Variants in AKAP19 observed in about 807,000 individuals in gnomAD.
AKAP19 encodes the protein A-kinase anchoring protein 19.
the AKAP19 span, among the ~76,000 whole-genome samples, chr2:190,004,345 T>C: frequency 6.6e-6 from 1 of 152,198 alleles, no homozygotes; most frequent in African/African-American, 2.4e-5. Context: ...TATGAAAATA[T>C]GTCAGATATT....
the AKAP19 span, among the ~76,000 whole-genome samples, chr2:190,139,468 G>A: frequency 6.6e-6 from 1 of 152,216 alleles, no homozygotes; most frequent in South Asian, 2.1e-4. Context: ...AATACCCAAG[G>A]CTGAGTAATT....
At chr2:190,036,909 A>C in the AKAP19 span, among the ~76,000 whole-genome samples, 2 of 152,234 alleles carry the variant, frequency 1.3e-5, no homozygotes, top group African/African-American at 2.4e-5. Flanking sequence ...GTAAATACAC[A>C]GGAATTACTC....
At chr2:190,057,674 T>A in the AKAP19 span, 3 of 1,609,388 alleles carry the variant, frequency 1.9e-6, no homozygotes, top group African/African-American at 4.0e-5. Flanking sequence ...GTAATATCAA[T>A]AGGCCTGGAA....
the AKAP19 span, among the ~76,000 whole-genome samples, chr2:189,937,647 G>A: frequency 2.0e-5 from 3 of 152,134 alleles, no homozygotes; most frequent in Admixed American, 6.5e-5. Context: ...ATGGCAAACC[G>A]ATATATGAAA....
the AKAP19 span, among the ~76,000 whole-genome samples, chr2:190,076,737 G>A: frequency 6.6e-6 from 1 of 152,088 alleles, no homozygotes; most frequent in Admixed American, 6.6e-5. Flanking sequence ...AGTGGTATTT[G>A]ATATGACTTG....
the AKAP19 span, among the ~76,000 whole-genome samples, chr2:190,167,603 A>C: frequency 6.6e-6 from 1 of 152,228 alleles, no homozygotes; most frequent in Non-Finnish European, 1.5e-5. Flanking sequence ...TCCTAGATAC[A>C]ATGAGGGTAA....
chr2:190,125,523 A>G, the AKAP19 span, among the ~76,000 whole-genome samples: 1 of 152,306 alleles, frequency 6.6e-6, no homozygotes, highest in African/African-American at 2.4e-5. Flanking sequence ...GATCTAAATG[A>G]GGCAAACCAA....
At chr2:190,082,718 C>A in the AKAP19 span, among the ~76,000 whole-genome samples, 1 of 152,152 alleles carries the variant, frequency 6.6e-6, no homozygotes, top group Admixed American at 6.5e-5. Context: ...AACCATTATA[C>A]AAATTAGGAA....
At chr2:189,926,432 G>A in the AKAP19 span, among the ~76,000 whole-genome samples, 2 of 148,848 alleles carry the variant, frequency 1.3e-5, no homozygotes, top group African/African-American at 5.0e-5. Context: ...GACTACAAGC[G>A]CCCACTACCA....
the AKAP19 span, among the ~76,000 whole-genome samples, chr2:190,111,139 C>T: frequency 1.3e-5 from 2 of 152,160 alleles, no homozygotes; most frequent in Admixed American, 1.3e-4. Context: ...CTGACGCATA[C>T]ATGGGCATAG....
At chr2:190,151,244 G>A in the AKAP19 span, among the ~76,000 whole-genome samples, 3,382 of 150,152 alleles carry the variant, frequency 0.023, 126 homozygotes, top group African/African-American at 0.08. Flanking sequence ...ATACATGTGC[G>A]GAACGTGCAG....
At chr2:190,198,325 C>T in the AKAP19 span, among the ~76,000 whole-genome samples, 1 of 152,116 alleles carries the variant, frequency 6.6e-6, no homozygotes, top group Non-Finnish European at 1.5e-5. Context: ...GAATTAGATG[C>T]ACGCAAGCTT....
chr2:190,178,422 G>A, the AKAP19 span, among the ~76,000 whole-genome samples: 1 of 152,230 alleles, frequency 6.6e-6, no homozygotes, highest in South Asian at 2.1e-4. The surrounding 1 kb of genome is among the most constrained non-coding windows in gnomAD (Gnocchi z 6.3). Flanking sequence ...AGCAGAGAGG[G>A]CCACTCACAG....
chr2:190,019,580 C>T, the AKAP19 span, among the ~76,000 whole-genome samples: 2 of 151,996 alleles, frequency 1.3e-5, no homozygotes, highest in Non-Finnish European at 1.5e-5. Flanking sequence ...CTGTGCTGAT[C>T]TCTGTGAGCT....
the AKAP19 span, among the ~76,000 whole-genome samples, chr2:190,021,703 C>A: frequency 6.6e-6 from 1 of 152,180 alleles, no homozygotes; most frequent in African/African-American, 2.4e-5. Flanking sequence ...TAATGGGCAG[C>A]ATTTGCTGTG....
chr2:190,038,906 T>C, the AKAP19 span, among the ~76,000 whole-genome samples: 1 of 76,048 alleles, frequency 1.3e-5, no homozygotes. Flanking sequence ...CTTTCTTTCT[T>C]CTTCTTCTTC....
At chr2:190,044,447 T>C in the AKAP19 span, among the ~76,000 whole-genome samples, 51 of 152,122 alleles carry the variant, frequency 3.4e-4, no homozygotes, top group African/African-American at 1.1e-3. Context: ...TGCAGCTTGT[T>C]TGAGGTGTGG....
the AKAP19 span, among the ~76,000 whole-genome samples, chr2:189,921,815 TA>T: frequency 6.6e-6 from 1 of 152,158 alleles, no homozygotes; most frequent in African/African-American, 2.4e-5. Flanking sequence ...TTCTCACACA[TA>T]ATGAAGAACT....
the AKAP19 span, among the ~76,000 whole-genome samples, chr2:190,157,764 C>A: frequency 6.6e-6 from 1 of 152,080 alleles, no homozygotes. Context: ...GTCTCTAGAA[C>A]TCAAAACAAA....
Sources: gnomAD v4.1 joint callset for allele counts (sites outside exome capture counted in the v4.1 genomes callset) on GRCh38, gnomAD v4.1.1 for gene constraint, Gnocchi (gnomAD v3.1) non-coding constraint, MANE v1.5 for transcripts, NCBI Gene and HGNC (gene_info 2026-07-23, HGNC 2026-07-21) for gene names.